Variants in EMC1 observed in about 807,000 individuals in gnomAD.
The protein encoded by EMC1 is KIAA0090.
EMC1 carries 103 observed loss-of-function variants against 128.8 expected under a neutral mutation model. The observed-to-expected ratio is 0.80, with a 90% CI of 0.68 to 0.94. The LOEUF is 0.94. Among genes scored for constraint, EMC1 ranks in the 40% least tolerant of loss-of-function variants. The probability of loss-of-function intolerance (pLI) is 0.00; values close to 1 mark genes in which losing one functional copy is unlikely to be tolerated. For missense variants in EMC1, 1,083 were observed against 1,250.6 expected (o/e 0.87, Z 2.02); for synonymous variants, 442 against 490.4 (o/e 0.90, Z 1.30).
At chr1:19,249,914 T>C (rs2093649364) in intron 1 of EMC1, among the ~76,000 whole-genome samples, 1 of 148,598 alleles carries the variant, frequency 6.7e-6, no homozygotes, top group East Asian at 2.0e-4. Context: ...AGTCCCTGTC[T>C]CAAAAAATTT....
intron 1 of EMC1, among the ~76,000 whole-genome samples, chr1:19,250,220 A>C (rs1266958504): frequency 6.6e-5 from 1 of 15,070 alleles, no homozygotes; most frequent in African/African-American, 4.2e-4. Flanking sequence ...AACTGTCTCA[A>C]AAAAAAAAAA....
intron 8 of EMC1, chr1:19,239,579 A>G (rs956705864): frequency 1.5e-5 from 9 of 585,522 alleles, no homozygotes; most frequent in African/African-American, 1.3e-4. Context: ...TTATGTCCCC[A>G]TATTTCCTTT....
chr1:19,219,522 C>T lies in EMC1; in HGVS notation c.2803-40G>A, dbSNP rs368493850. 7 of 1,613,882 alleles carry T rather than the reference C, an allele frequency of 4.3e-6. No homozygotes were observed. The East Asian group carries it at 1.6e-4, about 36-fold the overall frequency. On this transcript the variant is annotated intron_variant, in intron 22 of 22. Coordinates refer to ENST00000477853, the MANE Select transcript of EMC1 (RefSeq NM_015047.3). ...GAATAAGAATTAGGAAAGAAACAAC[C>T]AATGATCCACCAAGGGTGAAATAGG...
Position 19,226,047 on chromosome 1 carries a change from T to C in EMC1, c.2202+1266A>G, listed in dbSNP as rs2093470626. 3.3e-5 allele frequency among the ~76,000 whole-genome samples: 5 copies of C among 152,336 alleles called. No homozygotes were observed. In the South Asian group the frequency reaches 1.0e-3, roughly 32 times the overall value. ...GTCAAACTAGAGGCTTGCACTGTGT[T>C]GCACTGGCTCATGCTTAGTGATCCA... is the stretch of plus-strand genomic sequence containing the variant. On this transcript the variant is annotated intron_variant, in intron 18 of 22. Transcript: ENST00000477853.
intron 18 of EMC1, among the ~76,000 whole-genome samples, chr1:19,224,071 A>G (rs1571977820): frequency 6.6e-6 from 1 of 152,088 alleles, no homozygotes; most frequent in East Asian, 1.9e-4. Context: ...ACATTTTCTC[A>G]CCTGGCTTCC....
intron 21 of EMC1, 89 bp from the exon 22 acceptor site, chr1:19,219,787 G>C: frequency 6.8e-7 from 1 of 1,478,230 alleles, no homozygotes; most frequent in Non-Finnish European, 9.4e-7. Context: ...AGGTTTCCAG[G>C]CTACATATCT....
chr1:19,238,508 G>A (rs2093583086), intron 10 of EMC1, among the ~76,000 whole-genome samples: 1 of 152,156 alleles, frequency 6.6e-6, no homozygotes, highest in South Asian at 2.1e-4. Flanking sequence ...CTGCTACAGG[G>A]TAACTGCACA....
chr1:19,231,482 G>A, intron 15 of EMC1, 60 bp from the exon 16 acceptor site: 3 of 1,529,866 alleles, frequency 2.0e-6, no homozygotes, highest in Non-Finnish European at 2.6e-6. Flanking sequence ...CCTAGGGATA[G>A]ACCTGAAGAG....
rs1420547949 is a variant in EMC1 at position 19,217,843 on chromosome 1, A to T, written c.*1460T>A. 6.6e-6 allele frequency: 1 copy of T among 152,198 alleles called. No homozygotes were observed. Among genetic ancestry groups the T allele is most frequent in the African/African-American group, 2.4e-5 (1 of 41,438 alleles). The allele number at this position is 152,198 out of a possible 1,614,324, so 9.4% of individuals were successfully genotyped here. On this transcript the variant is annotated 3_prime_UTR_variant, in exon 23 of 23. Transcript: ENST00000477853. ...ATTCTTAGACATTCAGTCACTCAAT[A>T]TCAAACTGACAATTAATAAAATGGT...
intron 12 of EMC1, among the ~76,000 whole-genome samples, chr1:19,236,779 C>A (rs866895424): frequency 4.0e-5 from 6 of 151,636 alleles, no homozygotes; most frequent in South Asian, 2.1e-4. Flanking sequence ...ACCAGCCTGG[C>A]CAACATGGGG....
In EMC1 at chr1:19,238,848, T is replaced by C; in HGVS notation, c.1036A>G (p.Ser346Gly). ...CCCATTGACCCATCTTCAGAACTGC[T>C]ACTTTTCTGCTATGAGAAAGAGAAG... is the stretch of plus-strand genomic sequence containing the variant. ...MACRNEVQKSSSSEDGSMGSF... is the reference protein window; with the variant it reads ...MACRNEVQKSGSSEDGSMGSF... Residue 346 changes from serine (S) to glycine (G), a missense_variant, in exon 10 of 23, where the codon AGC becomes GGC. Around this residue, in one of 3 missense-constraint regions of EMC1, gnomAD observed 544 missense variants for 572.4 expected, o/e 0.95. Coordinates refer to ENST00000477853, the MANE Select transcript of EMC1 (RefSeq NM_015047.3). 6.2e-7 allele frequency: 1 copy of C among 1,606,218 alleles called. No homozygotes were observed. Among genetic ancestry groups the C allele is most frequent in the Non-Finnish European group, 8.5e-7 (1 of 1,173,050 alleles).
At position 19,239,265 on chromosome 1, in the gene EMC1, G is replaced by A. The variant is rs753453945; in HGVS notation, c.992C>T (p.Thr331Met). Residue 331 changes from threonine to methionine, a missense_variant, in exon 9 of 23, where the codon ACG becomes ATG. Thr to Met is a moderately conservative substitution (Grantham distance 81). Around this residue, in one of 3 missense-constraint regions of EMC1, gnomAD observed 544 missense variants for 572.4 expected, o/e 0.95. Transcript: ENST00000477853. ...CCGACAGGCCATGACTGCAGCCACC[G>A]TCTTCTCCCCAGTGGTGGCAAAGCT... ...LVSFATTGEK[T>M]VAAVMACRNE... 8 of 1,614,000 alleles carry A rather than the reference G, an allele frequency of 5.0e-6. No individual in the cohort carries two copies. Among genetic ancestry groups the A allele is most frequent in the African/African-American group, 2.7e-5 (2 of 74,928 alleles).
chr1:19,243,866 T>C, intron 3 of EMC1, 84 bp downstream of exon 3: 8 of 1,519,628 alleles, frequency 5.3e-6, no homozygotes, highest in Non-Finnish European at 7.3e-6. Context: ...CTCCTTTCCC[T>C]ACCAGACCCT....
chr1:19,245,027 T>A lies in EMC1; in HGVS notation c.99A>T (p.Arg33Ser). Residue 33 changes from arginine (R) to serine (S), a missense_variant, in exon 2 of 23, where the codon AGA becomes AGT. Around this residue, in one of 3 missense-constraint regions of EMC1, gnomAD observed 544 missense variants for 572.4 expected, o/e 0.95. Transcript: ENST00000477853. ...ACTTGACCTTCCCAACATATTGCTG[T>A]CTCCTGAGAAAAAAAGAGTACAGGG... Reference protein sequence around the residue: ...YEDQVGKFDWRQQYVGKVKFA... With the variant: ...YEDQVGKFDWSQQYVGKVKFA... 1 of 1,613,256 alleles carries A rather than the reference T, an allele frequency of 6.2e-7. No homozygotes were observed. Among genetic ancestry groups the A allele is most frequent in the Non-Finnish European group, 8.5e-7 (1 of 1,179,652 alleles).
chr1:19,241,910 C>T (rs1301747811), intron 5 of EMC1, among the ~76,000 whole-genome samples: 1 of 152,174 alleles, frequency 6.6e-6, no homozygotes, highest in African/African-American at 2.4e-5. Flanking sequence ...TTCCCAATTT[C>T]GATGCTTTCT....
chr1:19,222,775 C>T lies in EMC1; in HGVS notation c.2436G>A (p.Glu812=), dbSNP rs1166078055. 6.2e-7 allele frequency: 1 copy of T among 1,613,990 alleles called. No homozygotes were observed. Among genetic ancestry groups the T allele is most frequent in the East Asian group, 2.2e-5 (1 of 44,890 alleles). The change falls in exon 20 of 23, where the codon GAG becomes GAA. Residue 812 remains glutamate, a synonymous_variant. Coordinates refer to ENST00000477853, the MANE Select transcript of EMC1 (RefSeq NM_015047.3). ...CGGTGGCGTTGTATTGCTCAGTGCC[C>T]TCATAGAGCTCCAGTACGGTAAACT... ...RNEFTVLELY[E]GTEQYNATAF...
chr1:19,239,731 G>T, intron 8 of EMC1, 87 bp downstream of exon 8: 1 of 1,421,170 alleles, frequency 7.0e-7, no homozygotes, highest in Non-Finnish European at 9.8e-7. Context: ...AAGAGCAAAC[G>T]TTTCCAGATT....
At chr1:19,239,121 G>C (rs796971424) in intron 9 of EMC1, 110 bp downstream of exon 9, 1 of 1,023,350 alleles carries the variant, frequency 9.8e-7, no homozygotes. Context: ...CCTCCTGCCC[G>C]CTGGGTTCAA....
Position 19,222,628 on chromosome 1 carries a change from C to A in EMC1, c.2583G>T (p.Leu861=), listed in dbSNP as rs763845478. The A allele has an allele frequency of 8.1e-6, 13 of 1,613,408 alleles. No homozygotes were observed. In the African/African-American group the frequency reaches 1.5e-4, roughly 18 times the overall value. ...ITERGITSRH[L]LIGLPSGAIL... The stretch of plus-strand genomic sequence containing the variant: ...AGAGGCTCCCCAGTCACTCACTCAG[C>A]AGGTGTCGGCTGGTGATGCCCCGTT... Residue 861 remains leucine, a synonymous_variant, in exon 20 of 23, where the codon CTG becomes CTT. Transcript: ENST00000477853.
Sources: gnomAD v4.1 joint callset for allele counts (sites outside exome capture counted in the v4.1 genomes callset) on GRCh38, gnomAD v4.1.1 for gene constraint, gnomAD v4.1.1 regional missense constraint, MANE v1.5 for transcripts, NCBI Gene and HGNC (gene_info 2026-07-23, HGNC 2026-07-21) for gene names.